Variants in PDE1C observed in about 807,000 individuals in gnomAD.
PDE1C encodes phosphodiesterase 1C, also known as dual specificity calcium/calmodulin-dependent 3',5'-cyclic nucleotide phosphodiesterase 1C.
A neutral mutation model predicts 93.1 loss-of-function variants in PDE1C; 62 were observed. That is an observed-to-expected ratio of 0.67 (90% confidence interval 0.54 to 0.82). PDE1C has a LOEUF of 0.82. Among genes scored for constraint, PDE1C ranks in the 40% least tolerant of loss-of-function variants. The probability of loss-of-function intolerance (pLI) is 0.00; values close to 1 mark genes in which losing one functional copy is unlikely to be tolerated. For synonymous variants in PDE1C, 325 were observed against 310.1 expected (o/e 1.05, Z -0.50); for missense variants, 742 against 884.6 (o/e 0.84, Z 2.04).
chr7:31,818,919 T>C (rs894145265), intron 14 of PDE1C, among the ~76,000 whole-genome samples: 1 of 152,126 alleles, frequency 6.6e-6, no homozygotes, highest in Non-Finnish European at 1.5e-5. Context: ...GCAAGAGAAA[T>C]TCATTTGACA....
At position 31,850,678 on chromosome 7, in the gene PDE1C, G is replaced by A; in HGVS notation, c.814C>T (p.His272Tyr). The A allele has an allele frequency of 6.2e-7, 1 of 1,613,450 alleles. No homozygotes were observed. ...TGGAAATTGTTGGTGGTTCCGGTAT[G>A]CTCGTAGTCATGGATGGCAGCTGAG... ...IFSAAIHDYE[H>Y]TGTTNNFHIQ... The change falls in exon 8 of 18, where the codon CAT (histidine) becomes TAT (tyrosine). Residue 272 changes from histidine (H) to tyrosine (Y), a missense_variant. By Grantham distance (83) the His-to-Tyr change is moderately conservative (BLOSUM62 2). Coordinates refer to ENST00000396191, the MANE Select transcript of PDE1C (RefSeq NM_001191057.4).
chr7:31,639,379 A>C, the PDE1C span, among the ~76,000 whole-genome samples: 2 of 140,506 alleles, frequency 1.4e-5, no homozygotes, highest in South Asian at 4.8e-4. Flanking sequence ...TCTGCTATAT[A>C]TATCCAGTAT....
intron 17 of PDE1C, among the ~76,000 whole-genome samples, chr7:31,760,759 T>TACAC (rs10573498): frequency 0.099 from 14,762 of 148,550 alleles, 961 homozygotes; most frequent in South Asian, 0.32. Flanking sequence ...CTGCAATGTG[T>TACAC]ACACACACAC....
chr7:32,036,349 T>G (rs1324514979), intron 2 of PDE1C, among the ~76,000 whole-genome samples: 1 of 152,188 alleles, frequency 6.6e-6, no homozygotes, highest in East Asian at 1.9e-4. Flanking sequence ...GTGAGTTGTA[T>G]AGCTTAAATG....
chr7:31,999,645 G>A (rs766765734), intron 2 of PDE1C, among the ~76,000 whole-genome samples: 11 of 152,098 alleles, frequency 7.2e-5, no homozygotes, highest in Non-Finnish European at 1.3e-4. Flanking sequence ...ACTCTACATG[G>A]ATATAAAAAC....
chr7:31,986,945 C>CACACACACACAT (rs969337876), intron 2 of PDE1C, among the ~76,000 whole-genome samples: 1 of 151,912 alleles, frequency 6.6e-6, no homozygotes, highest in Admixed American at 6.6e-5. Context: ...CACACACACA[C>CACACACACACAT]ACACACACAC....
chr7:31,904,252 A>G (rs1409856483), intron 2 of PDE1C, among the ~76,000 whole-genome samples: 1 of 152,144 alleles, frequency 6.6e-6, no homozygotes, highest in East Asian at 1.9e-4. Context: ...GGCAATAGGA[A>G]GATAAAACAT....
chr7:31,812,380 T>G (rs766081766), intron 15 of PDE1C, among the ~76,000 whole-genome samples: 1 of 152,134 alleles, frequency 6.6e-6, no homozygotes, highest in Non-Finnish European at 1.5e-5. Context: ...TATGGTAGAA[T>G]TCATATCCTT....
chr7:32,204,512 A>AT (rs1805273334), intron 2 of PDE1C, among the ~76,000 whole-genome samples: 1 of 152,178 alleles, frequency 6.6e-6, no homozygotes, highest in South Asian at 2.1e-4. Flanking sequence ...TCCTGACAGA[A>AT]GCTCTGTCCA....
In PDE1C at chr7:31,967,273, G is replaced by A. The variant is rs182530390; in HGVS notation, c.128+84281C>T. 6.6e-5 allele frequency among the ~76,000 whole-genome samples: 10 copies of A among 152,214 alleles called. No individual in the cohort carries two copies. In the East Asian group the frequency reaches 1.9e-3, roughly 29 times the overall value. Reference sequence around the variant, plus strand: ...ACAGACGCAATAAAAAGTGATAAAGGGGATATCACCACCAATCCCACAGAA... The same window carrying A: ...ACAGACGCAATAAAAAGTGATAAAGAGGATATCACCACCAATCCCACAGAA... On this transcript the variant is annotated intron_variant, in intron 2 of 17. Transcript: ENST00000396191.
At chr7:32,273,791 G>A (rs1442472219) in intron 1 of PDE1C, among the ~76,000 whole-genome samples, 1 of 152,192 alleles carries the variant, frequency 6.6e-6, no homozygotes, top group East Asian at 1.9e-4. Flanking sequence ...CATAAATGTG[G>A]CAGCCTCGTT....
the PDE1C span, among the ~76,000 whole-genome samples, chr7:31,714,648 T>G: frequency 6.6e-6 from 1 of 152,208 alleles, no homozygotes; most frequent in African/African-American, 2.4e-5. Flanking sequence ...TGAGGAGGCC[T>G]GGCAATCATG....
chr7:31,937,858 G>A (rs1805304031), intron 2 of PDE1C, among the ~76,000 whole-genome samples: 1 of 152,056 alleles, frequency 6.6e-6, no homozygotes, highest in Admixed American at 6.6e-5. Context: ...ACACATTCAA[G>A]GTTTTTCACT....
At chr7:31,662,527 T>C in the PDE1C span, among the ~76,000 whole-genome samples, 2 of 152,146 alleles carry the variant, frequency 1.3e-5, no homozygotes, top group Non-Finnish European at 2.9e-5. Flanking sequence ...TGTTTTTGTG[T>C]CTAAGTGTGT....
At chr7:32,154,147 T>A (rs1801429161) in intron 3 of PDE1C, among the ~76,000 whole-genome samples, 1 of 152,052 alleles carries the variant, frequency 6.6e-6, no homozygotes, top group African/African-American at 2.4e-5. Flanking sequence ...TGGTCCCAGC[T>A]AACTGGGAGG....
At chr7:32,068,001 G>A (rs997943064) in intron 1 of PDE1C, among the ~76,000 whole-genome samples, 2 of 152,128 alleles carry the variant, frequency 1.3e-5, no homozygotes, top group Non-Finnish European at 2.9e-5. Flanking sequence ...CAACAAGAAG[G>A]AGATGCGATA....
the PDE1C span, among the ~76,000 whole-genome samples, chr7:31,694,443 C>G: frequency 7.0e-6 from 1 of 142,356 alleles, no homozygotes; most frequent in Non-Finnish European, 1.5e-5. Context: ...TATCTCCACT[C>G]TAAAGATTGA....
intron 2 of PDE1C, among the ~76,000 whole-genome samples, chr7:32,001,823 G>C (rs1178747795): frequency 6.6e-6 from 1 of 152,184 alleles, no homozygotes. Flanking sequence ...ACTTTGGGAG[G>C]CCAAGGCAGG....
chr7:32,362,602 C>A (rs1301652363), intron 1 of PDE1C, among the ~76,000 whole-genome samples: 1 of 152,142 alleles, frequency 6.6e-6, no homozygotes, highest in African/African-American at 2.4e-5. Context: ...ATGTCCACTG[C>A]AGGTGATTTC....
Sources: gnomAD v4.1 joint callset for allele counts (sites outside exome capture counted in the v4.1 genomes callset) on GRCh38, gnomAD v4.1.1 for gene constraint, MANE v1.5 for transcripts, NCBI Gene and HGNC (gene_info 2026-07-23, HGNC 2026-07-21) for gene names.